BLACAT1: variants seen among roughly 807,000 people sequenced by gnomAD.
The protein encoded by BLACAT1 is BLACAT1 overlapping LEMD1 locus, also known as bladder cancer associated transcript 1.
chr1:205,449,696 G>A (rs1279477314), intron 1 of BLACAT1, among the ~76,000 whole-genome samples: 1 of 152,162 alleles, frequency 6.6e-6, no homozygotes, highest in East Asian at 1.9e-4. Flanking sequence ...CTGAACTTTG[G>A]GCCATCTGCC....
chr1:205,454,615 C>T (rs546546525), intron 1 of BLACAT1, among the ~76,000 whole-genome samples: 218 of 152,008 alleles, frequency 1.4e-3, no homozygotes, highest in African/African-American at 4.9e-3. Context: ...AATGGAAAGC[C>T]GGCATTGAAT....
rs908795360 is a variant in BLACAT1, at chr1:205,441,171, A to G, written c.-36-109T>C. The G allele has an allele frequency of 6.6e-6, 1 of 151,890 alleles. No individual in the cohort carries two copies. Among genetic ancestry groups the G allele is most frequent in the African/African-American group, 2.4e-5 (1 of 41,366 alleles). The allele number at this position is 151,890 out of a possible 1,614,324, so 9.4% of individuals were successfully genotyped here. A position where few individuals can be genotyped will look rare whatever the true frequency, so the allele number is the denominator to read the frequency against. ...CTCTGGGTCTGGCCCAGTCATTGCC[A>G]CTCCCTGAGGCGGCCCGCTAGGTCT... On this transcript the variant is annotated intron_variant, in intron 1 of 1. Transcript: ENST00000629624. The surrounding 1 kb of genome is among the most constrained non-coding windows in gnomAD (Gnocchi z 4.3).
downstream of BLACAT1, chr1:205,437,551 C>G (rs1355767039): frequency 6.6e-6 from 1 of 152,306 alleles, no homozygotes; most frequent in South Asian, 2.1e-4. Context: ...CTCACTCCCC[C>G]TCTCACTTCT....
In BLACAT1 at chr1:205,450,056, CAACTT is replaced by C. The variant is rs1296074819; in HGVS notation, c.-37+5856_-37+5860del. 1.3e-5 allele frequency: 2 copies of C among 152,176 alleles called. No homozygotes were observed. Among genetic ancestry groups the C allele is most frequent in the Admixed American group, 1.3e-4 (2 of 15,280 alleles). The allele number at this position is 152,176 out of a possible 1,614,324, so 9.4% of individuals were successfully genotyped here. On this transcript the variant is annotated intron_variant, in intron 1 of 1. Transcript: ENST00000629624. The surrounding 1 kb of genome is among the most constrained non-coding windows in gnomAD (Gnocchi z 4.4). ...GGCCAGGGCTGAGCTGTACCCAACT[CAACTT>C]GACTCACTTGTGACCGGCCCCTCCC...
In BLACAT1 at chr1:205,441,546, G is replaced by A. The variant is rs1666294361; in HGVS notation, c.-36-484C>T. 6.6e-6 allele frequency among the ~76,000 whole-genome samples: 1 copy of A among 152,152 alleles called. No homozygotes were observed. Among genetic ancestry groups the A allele is most frequent in the African/African-American group, 2.4e-5 (1 of 41,436 alleles). On this transcript the variant is annotated intron_variant, in intron 1 of 1. Transcript: ENST00000629624. The surrounding 1 kb of genome is among the most constrained non-coding windows in gnomAD (Gnocchi z 4.3). ...AATGCGGACCCCTTCATCCAGTGTAGCTTTACTTTGACACCTGGGACCGAG... is the reference window on the plus strand; with the variant it reads ...AATGCGGACCCCTTCATCCAGTGTAACTTTACTTTGACACCTGGGACCGAG...
Position 205,450,091 on chromosome 1 carries a change from C to T in BLACAT1, c.-37+5826G>A, listed in dbSNP as rs1045452010. ...CACTTGTGACCGGCCCCTCCCCCAG[C>T]CCTGAGGACGGTGGGGGTGGGGGTG... On this transcript the variant is annotated intron_variant, in intron 1 of 1. Transcript: ENST00000629624. The surrounding 1 kb of genome is among the most constrained non-coding windows in gnomAD (Gnocchi z 4.4). 8.6e-5 allele frequency among the ~76,000 whole-genome samples: 13 copies of T among 152,018 alleles called. No homozygotes were observed. The highest frequency in any genetic ancestry group is 2.9e-4 in the African/African-American group (12 of 41,396).
chr1:205,437,786 G>A (rs1666232651), downstream of BLACAT1: 1 of 152,168 alleles, frequency 6.6e-6, no homozygotes, highest in Non-Finnish European at 1.5e-5. Context: ...TCAGAAATAA[G>A]ACATGACTAG....
intron 1 of BLACAT1, among the ~76,000 whole-genome samples, chr1:205,455,226 T>C (rs1052211527): frequency 1.3e-5 from 2 of 152,206 alleles, no homozygotes; most frequent in Non-Finnish European, 1.5e-5. Context: ...GGGGAGGCAG[T>C]GGGAGGCAGG....
At chr1:205,454,267 A>G (rs890119924) in intron 1 of BLACAT1, among the ~76,000 whole-genome samples, 2 of 152,180 alleles carry the variant, frequency 1.3e-5, no homozygotes, top group African/African-American at 4.8e-5. Context: ...CGTCAGCAGG[A>G]CTGTGGTCTC....
chr1:205,438,091 C>T (rs1287366933), downstream of BLACAT1, among the ~76,000 whole-genome samples: 1 of 152,202 alleles, frequency 6.6e-6, no homozygotes, highest in Non-Finnish European at 1.5e-5. Context: ...CTAGGCAACA[C>T]TCAAGTCACA....
At chr1:205,447,795 C>T (rs1419292273) in intron 1 of BLACAT1, among the ~76,000 whole-genome samples, 1 of 152,180 alleles carries the variant, frequency 6.6e-6, no homozygotes, top group African/African-American at 2.4e-5. Flanking sequence ...CAGACACCTC[C>T]TCTTCCCTCG....
At chr1:205,435,389 G>A (rs767116866), downstream of BLACAT1, 1 of 152,232 alleles carries the variant, frequency 6.6e-6, no homozygotes, top group Non-Finnish European at 1.5e-5. Flanking sequence ...ATTAGACCCT[G>A]TCTTCAAGAG....
chr1:205,455,257 C>T lies in BLACAT1; in HGVS notation c.-37+660G>A, dbSNP rs543947178. 7.9e-5 allele frequency among the ~76,000 whole-genome samples: 12 copies of T among 152,208 alleles called. No homozygotes were observed. In the South Asian group the frequency reaches 2.3e-3, roughly 29 times the overall value. ...GCAGGCTTATGGCCAAGAGGTCTGG[C>T]CAGACCTAGACCCCACAGACACAAT... is the stretch of plus-strand genomic sequence containing the variant. On this transcript the variant is annotated intron_variant, in intron 1 of 1. Coordinates refer to ENST00000629624, the Ensembl canonical transcript of BLACAT1.
chr1:205,448,475 C>T lies in BLACAT1; in HGVS notation c.-36-7413G>A, dbSNP rs1666441948. 1 of 504,392 alleles carries T rather than the reference C, an allele frequency of 2.0e-6. No individual in the cohort carries two copies. The highest frequency in any genetic ancestry group is 4.0e-6 in the Non-Finnish European group (1 of 248,878). 31.2% of individuals were successfully genotyped at this position (504,392 alleles called of 1,614,324 possible). Reference sequence around the variant, plus strand: ...GAGAAGCCCTCACTCCCCTTCTCAGCACCCCCGACCCCAGACCCACCCACA... The same window carrying T: ...GAGAAGCCCTCACTCCCCTTCTCAGTACCCCCGACCCCAGACCCACCCACA... On this transcript the variant is annotated intron_variant, in intron 1 of 1. Transcript: ENST00000629624. The surrounding 1 kb of genome is among the most constrained non-coding windows in gnomAD (Gnocchi z 4.7).
downstream of BLACAT1, chr1:205,435,667 A>G (rs1575005588): frequency 2.0e-5 from 3 of 152,214 alleles, no homozygotes; most frequent in African/African-American, 7.2e-5. Flanking sequence ...ATTCTTCAGA[A>G]TGAAGTTTAA....
downstream of BLACAT1, among the ~76,000 whole-genome samples, chr1:205,439,452 G>T (rs528247751): frequency 8.5e-4 from 129 of 152,390 alleles, no homozygotes; most frequent in African/African-American, 2.8e-3. Flanking sequence ...AGGCCCCTGA[G>T]TGTGGGCATG....
intron 1 of BLACAT1, among the ~76,000 whole-genome samples, chr1:205,454,670 T>A (rs1024492808): frequency 4.6e-5 from 7 of 151,996 alleles, no homozygotes; most frequent in African/African-American, 1.7e-4. Flanking sequence ...CTCCGTTGTG[T>A]CCTCCTGGAG....
chr1:205,448,396 G>C lies in BLACAT1; in HGVS notation c.-36-7334C>G, dbSNP rs758808158. 1 of 534,378 alleles carries C rather than the reference G, an allele frequency of 1.9e-6. No homozygotes were observed. Among genetic ancestry groups the C allele is most frequent in the Non-Finnish European group, 3.8e-6 (1 of 259,966 alleles). 33.1% of individuals were successfully genotyped at this position (534,378 alleles called of 1,614,324 possible). ...ATGAAAAGCCATAGGCCACAGCAGA[G>C]TGGAGGGGTCCAGCGGCAGGAATCT... is the stretch of plus-strand genomic sequence containing the variant. On this transcript the variant is annotated intron_variant, in intron 1 of 1. Coordinates refer to ENST00000629624, the Ensembl canonical transcript of BLACAT1. This position sits in a 1 kb window ranked among gnomAD's most constrained non-coding sequence, Gnocchi z 4.7.
chr1:205,451,909 G>A (rs1033998741), intron 1 of BLACAT1, among the ~76,000 whole-genome samples: 1 of 152,180 alleles, frequency 6.6e-6, no homozygotes, highest in Non-Finnish European at 1.5e-5. Flanking sequence ...TGCTCTTAGA[G>A]GAGAGGGTAG....
Sources: gnomAD v4.1 joint callset for allele counts (sites outside exome capture counted in the v4.1 genomes callset) on GRCh38, gnomAD v4.1.1 for gene constraint, Gnocchi (gnomAD v3.1) non-coding constraint, MANE v1.5 for transcripts, NCBI Gene and HGNC (gene_info 2026-07-23, HGNC 2026-07-21) for gene names.